The following UNC5D variants were observed in gnomAD, a reference collection of about 807,000 sequenced individuals.
UNC5D encodes the protein netrin receptor UNC5D.
UNC5D carries 39 observed loss-of-function variants against 105.4 expected under a neutral mutation model. The ratio of observed to expected loss-of-function variants is 0.37; its 90% CI spans 0.29 to 0.48. The LOEUF (loss-of-function observed/expected upper bound fraction) is 0.48. Ranked by LOEUF, UNC5D falls within the 20% of genes least tolerant of loss-of-function variation. The pLI is 0.98. For synonymous variants in UNC5D, 452 were observed against 450.4 expected, an observed-to-expected ratio of 1.00 and a Z score of -0.04; for missense variants, 991 against 1,202.4, an observed-to-expected ratio of 0.82 and a Z score of 2.60.
At chr8:35,440,306 A>G (rs190269632) in intron 1 of UNC5D, among the ~76,000 whole-genome samples, 83 of 152,140 alleles carry the variant, frequency 5.5e-4, no homozygotes, top group Admixed American at 2.2e-3. Context: ...GACACATCAC[A>G]GGAACACAAA....
chr8:35,757,705 AT>A (rs1830577748), intron 13 of UNC5D, among the ~76,000 whole-genome samples: 1 of 152,152 alleles, frequency 6.6e-6, no homozygotes, highest in African/African-American at 2.4e-5. Flanking sequence ...TCTGATGGAA[AT>A]TTAGTAAATC....
chr8:35,703,731 G>A (rs1468968242), intron 7 of UNC5D, among the ~76,000 whole-genome samples: 1 of 152,124 alleles, frequency 6.6e-6, no homozygotes, highest in Non-Finnish European at 1.5e-5. Flanking sequence ...TCGTTCCTGT[G>A]GTTTAGAAGG....
At chr8:35,270,389 A>T (rs1805196575) in intron 1 of UNC5D, among the ~76,000 whole-genome samples, 3 of 152,184 alleles carry the variant, frequency 2.0e-5, no homozygotes, top group Admixed American at 6.5e-5. Flanking sequence ...ACCAATGTCC[A>T]TCTACTTTTC....
chr8:35,781,711 C>T (rs1261674250), intron 16 of UNC5D, among the ~76,000 whole-genome samples: 1 of 152,130 alleles, frequency 6.6e-6, no homozygotes, highest in Non-Finnish European at 1.5e-5. Context: ...GAAGTTTTAT[C>T]GTCTTTTCAT....
At chr8:35,511,464 C>A (rs1331427038) in intron 1 of UNC5D, among the ~76,000 whole-genome samples, 2 of 140,634 alleles carry the variant, frequency 1.4e-5, no homozygotes, top group Non-Finnish European at 1.5e-5. Flanking sequence ...AGAGTTCCCA[C>A]CTCTAAGATT....
At chr8:35,248,962 ATATATATTATATATTTT>A (rs1803456731) in intron 1 of UNC5D, among the ~76,000 whole-genome samples, 1 of 92,638 alleles carries the variant, frequency 1.1e-5, no homozygotes, top group African/African-American at 4.5e-5. Context: ...AACATATATA[ATATATATTATATATTTT>A]TATATAATAT....
At chr8:35,298,566 A>C (rs1807673952) in intron 1 of UNC5D, among the ~76,000 whole-genome samples, 1 of 145,258 alleles carries the variant, frequency 6.9e-6, no homozygotes, top group Admixed American at 6.9e-5. Flanking sequence ...TTAGGCTTTT[A>C]ATATTTTTGA....
chr8:35,306,618 A>G (rs1201693712), intron 1 of UNC5D, among the ~76,000 whole-genome samples: 2 of 152,176 alleles, frequency 1.3e-5, no homozygotes, highest in African/African-American at 4.8e-5. Context: ...TAACCAGTTC[A>G]TGTATTAGCT....
intron 1 of UNC5D, among the ~76,000 whole-genome samples, chr8:35,379,937 G>A (rs941453440): frequency 1.3e-5 from 2 of 150,906 alleles, no homozygotes; most frequent in Non-Finnish European, 3.0e-5. Context: ...CCATAATGAA[G>A]TACTGTAGAC....
chr8:35,748,692 G>A lies in UNC5D; in HGVS notation c.1932G>A (p.Trp644Ter). The A allele has an allele frequency of 6.2e-7, 1 of 1,612,786 alleles. No individual in the cohort carries two copies. Among genetic ancestry groups the A allele is most frequent in the Non-Finnish European group, 8.5e-7 (1 of 1,179,448 alleles). The change falls in exon 12 of 17, where the codon TGG becomes TGA. Residue 644 changes from tryptophan to a stop codon, truncating the protein, a stop_gained. Transcript: ENST00000404895. LOFTEE classifies it high-confidence loss of function. ...HLKKRTQQGK[W>*]EEVMSVEDES... The stretch of plus-strand genomic sequence containing the variant: ...AGAAGAGGACACAGCAGGGCAAATG[G>A]GAGGTGAGACCCTTTACTTCCTTTT...
At chr8:35,411,964 C>T (rs1245157757) in intron 1 of UNC5D, among the ~76,000 whole-genome samples, 4 of 151,952 alleles carry the variant, frequency 2.6e-5, no homozygotes, top group Non-Finnish European at 4.4e-5. Context: ...CGCCTGTCCC[C>T]GTGATACAGG....
chr8:35,592,666 G>C (rs1392479787), intron 3 of UNC5D, among the ~76,000 whole-genome samples: 1 of 152,124 alleles, frequency 6.6e-6, no homozygotes, highest in Non-Finnish European at 1.5e-5. Context: ...CCTGGCACCA[G>C]TATCAGGTAC....
At chr8:35,238,424 C>A (rs1015944602) in intron 1 of UNC5D, among the ~76,000 whole-genome samples, 8 of 152,220 alleles carry the variant, frequency 5.3e-5, no homozygotes, top group African/African-American at 1.9e-4. Flanking sequence ...CTTAGCTCTT[C>A]AGATGAACAT....
At chr8:35,504,140 C>T (rs935710291) in intron 1 of UNC5D, among the ~76,000 whole-genome samples, 1 of 152,166 alleles carries the variant, frequency 6.6e-6, no homozygotes, top group Non-Finnish European at 1.5e-5. Flanking sequence ...GTGCCACATA[C>T]TCACGGGGGT....
intron 4 of UNC5D, among the ~76,000 whole-genome samples, chr8:35,665,170 G>A (rs1824347478): frequency 6.6e-6 from 1 of 152,130 alleles, no homozygotes; most frequent in South Asian, 2.1e-4. Context: ...AGTTATCAAT[G>A]CTATTTTATG....
intron 4 of UNC5D, among the ~76,000 whole-genome samples, chr8:35,677,940 G>A (rs1407776011): frequency 2.0e-5 from 3 of 151,532 alleles, no homozygotes; most frequent in African/African-American, 4.8e-5. Flanking sequence ...GTGTATATAT[G>A]TGTGTATGTG....
chr8:35,720,253 A>T (rs1181131444), intron 8 of UNC5D, among the ~76,000 whole-genome samples: 1 of 152,122 alleles, frequency 6.6e-6, no homozygotes, highest in South Asian at 2.1e-4. Flanking sequence ...TTCCTATTTT[A>T]GTACCTGGAA....
intron 1 of UNC5D, among the ~76,000 whole-genome samples, chr8:35,532,396 G>C (rs1025226672): frequency 2.2e-5 from 3 of 137,452 alleles, no homozygotes; most frequent in African/African-American, 8.6e-5. Flanking sequence ...CTGGCTTGTA[G>C]GGTTTCTGCC....
intron 4 of UNC5D, among the ~76,000 whole-genome samples, chr8:35,608,648 T>C (rs953932050): frequency 6.6e-6 from 1 of 152,248 alleles, no homozygotes; most frequent in Admixed American, 6.5e-5. Context: ...TCTATGTGCA[T>C]GTTTAGCTCC....
Sources: gnomAD v4.1 joint callset for allele counts (sites outside exome capture counted in the v4.1 genomes callset) on GRCh38, gnomAD v4.1.1 for gene constraint, MANE v1.5 for transcripts, NCBI Gene and HGNC (gene_info 2026-07-23, HGNC 2026-07-21) for gene names.